Variants in USP43 observed in about 807,000 individuals in gnomAD.
USP43 encodes ubiquitin carboxyl-terminal hydrolase 43.
A neutral mutation model predicts 90.7 loss-of-function variants in USP43; 33 were observed. The observed-to-expected ratio is 0.36, with a 90% CI of 0.28 to 0.49. The LOEUF (loss-of-function observed/expected upper bound fraction) is 0.49, where lower values mean the gene tolerates loss of function less well. USP43 is among the 20% of genes least tolerant of loss of function. The probability of loss-of-function intolerance (pLI) is 0.98; values close to 1 mark genes in which losing one functional copy is unlikely to be tolerated. For missense variants in USP43, 1,274 were observed against 1,476.4 expected (o/e 0.86, Z 2.25); for synonymous variants, 598 against 615.8 (o/e 0.97, Z 0.43).
Position 9,725,488 on chromosome 17 carries a change from A to AT in USP43, c.2336-2465dup, listed in dbSNP as rs546969527. Among the ~76,000 whole-genome samples the AT allele has an allele frequency of 5.3e-5, 8 of 152,250 alleles. No individual in the cohort carries two copies. In the South Asian group the frequency reaches 1.5e-3, roughly 28 times the overall value. ...AGTGACTTTGTAGAGAGGAAGTGTGATGTGAGCGTGGGGGCCTCTTATTCC... is the reference window on the plus strand; with the variant it reads ...AGTGACTTTGTAGAGAGGAAGTGTGATTGTGAGCGTGGGGGCCTCTTATTCC... On this transcript the variant is annotated intron_variant, in intron 14 of 14. Transcript: ENST00000285199.
chr17:9,660,954 C>T lies in USP43; in HGVS notation c.636+4420C>T, dbSNP rs369073916. 8.1e-4 allele frequency among the ~76,000 whole-genome samples: 124 copies of T among 152,324 alleles called. 1 individual carries two copies. In the South Asian group the frequency reaches 0.01, roughly 13 times the overall value. On this transcript the variant is annotated intron_variant, in intron 2 of 14. Coordinates refer to ENST00000285199, the MANE Select transcript of USP43 (RefSeq NM_153210.5). ...AGAGAACAGAGCTGTTGGGATTATC[C>T]GGCGTGAAACTTCATTTTCCCTTTC... is the stretch of plus-strand genomic sequence containing the variant.
intron 9 of USP43, among the ~76,000 whole-genome samples, chr17:9,698,716 A>G (rs1915407490): frequency 6.6e-6 from 1 of 152,194 alleles, no homozygotes; most frequent in African/African-American, 2.4e-5. Context: ...TTGTACAATA[A>G]ACTTGGAGCA....
chr17:9,729,200 A>G lies in USP43; in HGVS notation c.*210A>G, dbSNP rs113779935. On this transcript the variant is annotated 3_prime_UTR_variant, in exon 15 of 15. Transcript: ENST00000285199. Reference sequence around the variant, plus strand: ...CCAAGGTCGAAAACCTTCCTGCATCATTGGGTGCTTTGCTACAGTTTGGCC... The same window carrying G: ...CCAAGGTCGAAAACCTTCCTGCATCGTTGGGTGCTTTGCTACAGTTTGGCC... 1.5e-5 allele frequency: 6 copies of G among 392,096 alleles called. No homozygotes were observed. The highest frequency in any genetic ancestry group is 4.1e-5 in the African/African-American group (2 of 48,266). 24.3% of individuals were successfully genotyped at this position (392,096 alleles called of 1,614,324 possible).
intron 1 of USP43, among the ~76,000 whole-genome samples, chr17:9,650,562 C>G (rs1911783486): frequency 6.6e-6 from 1 of 151,904 alleles, no homozygotes; most frequent in Non-Finnish European, 1.5e-5. Flanking sequence ...ACCACCATGC[C>G]CAGCTATTTT....
chr17:9,683,586 ACT>A (rs1914428626), intron 7 of USP43, among the ~76,000 whole-genome samples: 1 of 152,116 alleles, frequency 6.6e-6, no homozygotes, highest in African/African-American at 2.4e-5. Flanking sequence ...TAATTCATTA[ACT>A]CTTAGTAATA....
chr17:9,671,666 C>G (rs150604468), intron 3 of USP43, among the ~76,000 whole-genome samples: 1 of 152,234 alleles, frequency 6.6e-6, no homozygotes, highest in East Asian at 1.9e-4. Context: ...AGAATGAATA[C>G]CTTAGGGAAA....
intron 6 of USP43, among the ~76,000 whole-genome samples, chr17:9,681,496 A>T (rs1442831442): frequency 2.8e-5 from 2 of 71,622 alleles, no homozygotes; most frequent in African/African-American, 6.1e-5. Flanking sequence ...ATATATATAT[A>T]TATATATATA....
At chr17:9,702,812 C>T (rs577643700) in intron 12 of USP43, among the ~76,000 whole-genome samples, 8 of 152,262 alleles carry the variant, frequency 5.3e-5, no homozygotes, top group African/African-American at 1.2e-4. Flanking sequence ...GCATGATTTC[C>T]GCCATCGGAG....
intron 14 of USP43, among the ~76,000 whole-genome samples, chr17:9,720,776 C>T (rs1346489869): frequency 6.6e-6 from 1 of 152,186 alleles, no homozygotes; most frequent in Non-Finnish European, 1.5e-5. Context: ...GTGTGAGCCA[C>T]CACGCCCAGC....
chr17:9,708,519 A>G (rs1027882035), intron 12 of USP43, among the ~76,000 whole-genome samples: 2 of 152,178 alleles, frequency 1.3e-5, no homozygotes, highest in African/African-American at 4.8e-5. Flanking sequence ...TGTGGGGCGG[A>G]ACGGAAAAGC....
chr17:9,645,793 A>G lies in USP43; in HGVS notation c.161A>G (p.Asp54Gly). 6 of 1,390,322 alleles carry G rather than the reference A, an allele frequency of 4.3e-6. No homozygotes were observed. The highest frequency in any genetic ancestry group is 5.6e-6 in the Non-Finnish European group (6 of 1,080,736). The allele number at this position is 1,390,322 out of a possible 1,614,324, so 86.1% of individuals were successfully genotyped here. A position where few individuals can be genotyped will look rare whatever the true frequency, so the allele number is the denominator to read the frequency against. ...CCCCGGCCCCAGCCGGGACACTGTG[A>G]TGGCGACGGTGAGGGGGGCTTCGCC... ...SPPRPQPGHC[D>G]GDGEGGFACA... The change falls in exon 1 of 15, where the codon GAT becomes GGT. Residue 54 changes from aspartate (D) to glycine (G), a missense_variant. By Grantham distance (94) the Asp-to-Gly change is moderately conservative. This residue lies in a region of USP43 where 112 missense variants were observed against 106.6 expected (regional missense o/e 1.05). Transcript: ENST00000285199. This position sits in a 1 kb window ranked among gnomAD's most constrained non-coding sequence, Gnocchi z 6.8.
rs1022697964 is a variant in USP43 at position 9,709,670 on chromosome 17, C to T, written c.2012-286C>T. Among the ~76,000 whole-genome samples, 12 of 151,982 alleles carry T rather than the reference C, an allele frequency of 7.9e-5. No homozygotes were observed. Among genetic ancestry groups the T allele is most frequent in the Non-Finnish European group, 1.3e-4 (9 of 67,996 alleles). On this transcript the variant is annotated intron_variant, in intron 12 of 14. Transcript: ENST00000285199. The surrounding 1 kb of genome is among the most constrained non-coding windows in gnomAD (Gnocchi z 5.0). ...GGTGGAGGTTGCCGTGAGCCGAGAT[C>T]GCGCCACTTCACTCCAGCCTGGGTG...
intron 2 of USP43, 82 bp from the exon 3 acceptor site, chr17:9,666,566 G>A: frequency 8.9e-7 from 1 of 1,127,580 alleles, no homozygotes; most frequent in African/African-American, 1.5e-5. Context: ...GGCCCAGGAG[G>A]AAGCATGGGC....
Position 9,712,062 on chromosome 17 carries a change from C to A in USP43, c.2265C>A (p.Ala755=). 6.2e-7 allele frequency: 1 copy of A among 1,612,400 alleles called. No homozygotes were observed. Among genetic ancestry groups the A allele is most frequent in the Non-Finnish European group, 8.5e-7 (1 of 1,179,036 alleles). ...TRGSLLSWSS[A]PCPSLPQVPD... Reference sequence around the variant, plus strand: ...GAAGCCTGCTGTCCTGGAGCTCTGCCCCCTGCCCCTCCCTGCCCCAGGTTC... The same window carrying A: ...GAAGCCTGCTGTCCTGGAGCTCTGCACCCTGCCCCTCCCTGCCCCAGGTTC... Residue 755 remains alanine (A), a synonymous_variant, in exon 14 of 15, where the codon GCC becomes GCA. Coordinates refer to ENST00000285199, the MANE Select transcript of USP43 (RefSeq NM_153210.5).
chr17:9,670,952 C>T (rs145892066), intron 3 of USP43, among the ~76,000 whole-genome samples: 133 of 152,206 alleles, frequency 8.7e-4, no homozygotes, highest in African/African-American at 2.8e-3. Context: ...GCCTGGCTGG[C>T]GTCTCCTGCT....
chr17:9,723,555 C>T lies in USP43; in HGVS notation c.2336-4399C>T, dbSNP rs1342451504. On this transcript the variant is annotated intron_variant, in intron 14 of 14. Coordinates refer to ENST00000285199, the MANE Select transcript of USP43 (RefSeq NM_153210.5). Reference sequence around the variant, plus strand: ...CCCCTCCCCTCCCCTCCCCTCCCCTCCCCTCCCCTCCCTCCCTTTTTTTTC... The same window carrying T: ...CCCCTCCCCTCCCCTCCCCTCCCCTTCCCTCCCCTCCCTCCCTTTTTTTTC... 3.8e-5 allele frequency among the ~76,000 whole-genome samples: 4 copies of T among 105,618 alleles called. No individual in the cohort carries two copies. The Admixed American group carries it at 3.8e-4, about 10-fold the overall frequency. 69.3% of individuals were successfully genotyped at this position (105,618 alleles called of 152,430 possible).
intron 12 of USP43, among the ~76,000 whole-genome samples, chr17:9,705,759 A>G (rs1026326617): frequency 2.0e-5 from 3 of 150,384 alleles, no homozygotes; most frequent in Non-Finnish European, 4.4e-5. Context: ...GTCTCAAAAA[A>G]AAAAAACAAC....
chr17:9,649,654 A>T (rs1169232143), intron 1 of USP43, among the ~76,000 whole-genome samples: 1 of 147,258 alleles, frequency 6.8e-6, no homozygotes, highest in African/African-American at 2.5e-5. Context: ...TTTTCTAATG[A>T]TGTAATTAAA....
At chr17:9,661,846 C>T (rs1326075121) in intron 2 of USP43, among the ~76,000 whole-genome samples, 1 of 151,970 alleles carries the variant, frequency 6.6e-6, no homozygotes, top group African/African-American at 2.4e-5. Flanking sequence ...GTCCATAGCC[C>T]CTCCCAGTGC....
Sources: allele counts gnomAD v4.1 joint callset (sites outside exome capture counted in the v4.1 genomes callset), GRCh38; gene constraint gnomAD v4.1.1; regional missense constraint gnomAD v4.1.1; non-coding constraint Gnocchi (gnomAD v3.1); transcripts MANE v1.5; gene names NCBI Gene and HGNC (gene_info 2026-07-23, HGNC 2026-07-21).